Variants in SETBP1 observed in about 807,000 individuals in gnomAD.
SETBP1 encodes SET-binding protein.
In SETBP1, 9 loss-of-function variants were observed where a neutral mutation model predicts 101.0. That is an observed-to-expected ratio of 0.09 (90% confidence interval 0.05 to 0.16). The LOEUF (loss-of-function observed/expected upper bound fraction) is 0.16. Among genes scored for constraint, SETBP1 ranks in the 10% least tolerant of loss-of-function variants. The pLI, the probability that SETBP1 is intolerant of heterozygous loss-of-function variation, is 1.00. For missense variants in SETBP1, 1,858 were observed against 2,033.8 expected, an observed-to-expected ratio of 0.91 and a Z score of 1.66; for synonymous variants, 818 against 788.5, an observed-to-expected ratio of 1.04 and a Z score of -0.63.
chr18:44,923,497 G>T (rs1460448923), intron 3 of SETBP1, among the ~76,000 whole-genome samples: 1 of 152,134 alleles, frequency 6.6e-6, no homozygotes, highest in Non-Finnish European at 1.5e-5. Flanking sequence ...ACAAGCATTT[G>T]GCCATTTACT....
intron 2 of SETBP1, among the ~76,000 whole-genome samples, chr18:44,732,283 A>G (rs1016698987): frequency 6.6e-6 from 1 of 152,222 alleles, no homozygotes; most frequent in Non-Finnish European, 1.5e-5. Flanking sequence ...GAAGCTGAGC[A>G]GGGCTATGCA....
chr18:45,026,787 C>G (rs2073173127), intron 4 of SETBP1, among the ~76,000 whole-genome samples: 1 of 150,500 alleles, frequency 6.6e-6, no homozygotes, highest in Non-Finnish European at 1.5e-5. Flanking sequence ...TGTGCTTTGT[C>G]CTTCTGTAGC....
intron 2 of SETBP1, among the ~76,000 whole-genome samples, chr18:44,817,255 C>G (rs1426484985): frequency 6.6e-6 from 1 of 152,200 alleles, no homozygotes; most frequent in Non-Finnish European, 1.5e-5. Context: ...AACCAGCCAG[C>G]TCACCAGGCA....
At chr18:44,941,160 C>A (rs2145047691) in intron 3 of SETBP1, among the ~76,000 whole-genome samples, 1 of 146,090 alleles carries the variant, frequency 6.8e-6, no homozygotes, top group South Asian at 2.2e-4. Flanking sequence ...CACCTCACTG[C>A]AACCTCCACT....
intron 2 of SETBP1, among the ~76,000 whole-genome samples, chr18:44,844,009 A>G (rs757588591): frequency 2.0e-5 from 3 of 152,044 alleles, no homozygotes; most frequent in Non-Finnish European, 4.4e-5. Context: ...ATTTTTATTT[A>G]TCTTTTTACC....
In SETBP1 at chr18:44,991,944, A is replaced by G. The variant is rs373966542; in HGVS notation, c.4000+38604A>G. On this transcript the variant is annotated intron_variant, in intron 4 of 5. Coordinates refer to ENST00000649279, the MANE Select transcript of SETBP1 (RefSeq NM_015559.3). Reference sequence around the variant, plus strand: ...GTCATAGAGATTGTATTCTCTAACAAAAGACAATTAGATTAAACCCGGTAA... The same window carrying G: ...GTCATAGAGATTGTATTCTCTAACAGAAGACAATTAGATTAAACCCGGTAA... Among the ~76,000 whole-genome samples, 16 of 152,324 alleles carry G rather than the reference A, an allele frequency of 1.1e-4. No homozygotes were observed. In the East Asian group the frequency reaches 2.9e-3, roughly 28 times the overall value.
chr18:44,752,424 A>G (rs943421936), intron 2 of SETBP1, among the ~76,000 whole-genome samples: 2 of 152,176 alleles, frequency 1.3e-5, no homozygotes, highest in Non-Finnish European at 2.9e-5. Context: ...GAACGCTTCA[A>G]GGAATGTGGC....
chr18:44,809,278 AC>A (rs1301003093), intron 2 of SETBP1, among the ~76,000 whole-genome samples: 1 of 152,170 alleles, frequency 6.6e-6, no homozygotes, highest in African/African-American at 2.4e-5. Context: ...GAATAAGCTG[AC>A]CCCAAGCATT....
At chr18:44,775,865 C>G (rs74373909) in intron 2 of SETBP1, among the ~76,000 whole-genome samples, 137 of 152,278 alleles carry the variant, frequency 9.0e-4, no homozygotes, top group African/African-American at 3.2e-3. Flanking sequence ...GATTTGTGGT[C>G]CAGAGAAGCA....
chr18:44,876,230 G>A (rs2069399710), intron 3 of SETBP1, among the ~76,000 whole-genome samples: 1 of 152,154 alleles, frequency 6.6e-6, no homozygotes, highest in Admixed American at 6.5e-5. Context: ...GAGGATACAG[G>A]TTGCTTGTTT....
At chr18:44,776,373 T>A (rs2144659468) in intron 2 of SETBP1, among the ~76,000 whole-genome samples, 1 of 152,322 alleles carries the variant, frequency 6.6e-6, no homozygotes, top group South Asian at 2.1e-4. Flanking sequence ...AGATTGTTTT[T>A]TTTCTAAAAG....
At chr18:44,918,118 A>G (rs760868358) in intron 3 of SETBP1, among the ~76,000 whole-genome samples, 11 of 152,196 alleles carry the variant, frequency 7.2e-5, no homozygotes, top group Non-Finnish European at 1.5e-4. Flanking sequence ...TCTTCTCAAT[A>G]AACAGTTGTC....
intron 2 of SETBP1, among the ~76,000 whole-genome samples, chr18:44,745,188 T>G (rs1199271146): frequency 6.6e-6 from 1 of 152,236 alleles, no homozygotes; most frequent in Non-Finnish European, 1.5e-5. Context: ...CCCCACCCCT[T>G]TCTTTAAATG....
intron 4 of SETBP1, among the ~76,000 whole-genome samples, chr18:45,009,078 G>A (rs1396720575): frequency 2.0e-5 from 3 of 152,206 alleles, no homozygotes; most frequent in East Asian, 1.9e-4. Context: ...CTCAGAAGTC[G>A]TGTTCTCACA....
intron 3 of SETBP1, among the ~76,000 whole-genome samples, chr18:44,936,023 A>G (rs2070948695): frequency 6.6e-6 from 1 of 152,254 alleles, no homozygotes; most frequent in Non-Finnish European, 1.5e-5. Flanking sequence ...TCAGTGAAGA[A>G]TAGCTAAAAC....
At chr18:45,040,470 A>G (rs966354823) in intron 5 of SETBP1, among the ~76,000 whole-genome samples, 4 of 152,202 alleles carry the variant, frequency 2.6e-5, no homozygotes, top group African/African-American at 9.6e-5. Flanking sequence ...ACCCACCCAG[A>G]TCAGTGGTTA....
At chr18:44,882,969 C>A (rs939557246) in intron 3 of SETBP1, among the ~76,000 whole-genome samples, 2 of 152,160 alleles carry the variant, frequency 1.3e-5, no homozygotes, top group African/African-American at 4.8e-5. Context: ...CCTGCACACA[C>A]TGGGGACAGG....
chr18:44,721,170 T>C (rs1599032415), intron 2 of SETBP1, among the ~76,000 whole-genome samples: 1 of 152,202 alleles, frequency 6.6e-6, no homozygotes, highest in Non-Finnish European at 1.5e-5. Flanking sequence ...AGGTGTTTTT[T>C]TGAAGAAGTA....
chr18:44,755,021 T>C (rs2070462054), intron 2 of SETBP1, among the ~76,000 whole-genome samples: 1 of 152,246 alleles, frequency 6.6e-6, no homozygotes, highest in Non-Finnish European at 1.5e-5. Flanking sequence ...CAAACTATCT[T>C]ATGCCCTTAA....
Sources: allele counts gnomAD v4.1 joint callset (sites outside exome capture counted in the v4.1 genomes callset), GRCh38; gene constraint gnomAD v4.1.1; transcripts MANE v1.5; gene names NCBI Gene and HGNC (gene_info 2026-07-23, HGNC 2026-07-21).